Variants in PKNOX2 observed in about 807,000 individuals in gnomAD.
PKNOX2 encodes PBX/knotted 1 homeobox 2.
PKNOX2 carries 14 observed loss-of-function variants against 53.1 expected under a neutral mutation model. That is an observed-to-expected ratio of 0.26 (90% CI 0.17 to 0.41). PKNOX2 has a LOEUF of 0.41. Ranked by LOEUF, PKNOX2 falls within the 10% of genes least tolerant of loss-of-function variation. PKNOX2 has a pLI of 1.00. For missense variants in PKNOX2, 496 were observed against 602.8 expected, an observed-to-expected ratio of 0.82 and a Z score of 1.85; for synonymous variants, 257 against 242.8, an observed-to-expected ratio of 1.06 and a Z score of -0.54.
chr11:125,403,241 G>A (rs1175028313), intron 7 of PKNOX2, among the ~76,000 whole-genome samples: 1 of 152,164 alleles, frequency 6.6e-6, no homozygotes, highest in Non-Finnish European at 1.5e-5. Context: ...GTGTAATGAT[G>A]GAGTACCTTG....
chr11:125,304,435 G>A (rs918395852), intron 2 of PKNOX2, among the ~76,000 whole-genome samples: 5 of 152,224 alleles, frequency 3.3e-5, no homozygotes, highest in Admixed American at 1.3e-4. Flanking sequence ...AGGAGCCAGC[G>A]TGTGGCAGCC....
rs535957716 is a variant in PKNOX2 at position 125,408,308 on chromosome 11, G to A, written c.589-1888G>A. Among the ~76,000 whole-genome samples, 7 of 152,340 alleles carry A rather than the reference G, an allele frequency of 4.6e-5. No individual in the cohort carries two copies. The East Asian group carries it at 1.4e-3, about 29-fold the overall frequency. ...TAGACTGCGACTGCAGGAACAGAAA[G>A]GCCAAGAGCTCTGCTCAAAGTATAA... On this transcript the variant is annotated intron_variant, in intron 7 of 12. Coordinates refer to ENST00000298282, the MANE Select transcript of PKNOX2 (RefSeq NM_001382323.2).
chr11:125,272,904 C>G (rs543094962), intron 2 of PKNOX2, among the ~76,000 whole-genome samples: 1 of 152,240 alleles, frequency 6.6e-6, no homozygotes, highest in Non-Finnish European at 1.5e-5. Flanking sequence ...CAGCATTGAG[C>G]ACTGACTGTC....
rs1823601761 is a variant in PKNOX2 at position 125,422,364 on chromosome 11, G to A, written c.937-6648G>A. Among the ~76,000 whole-genome samples, 1 of 152,254 alleles carries A rather than the reference G, an allele frequency of 6.6e-6. No homozygotes were observed. Among genetic ancestry groups the A allele is most frequent in the African/African-American group, 2.4e-5 (1 of 41,538 alleles). On this transcript the variant is annotated intron_variant, in intron 10 of 12. Transcript: ENST00000298282. This position sits in a 1 kb window ranked among gnomAD's most constrained non-coding sequence, Gnocchi z 4.1. ...GTTACATTTCTCTCTTTGTCCCAGA[G>A]AAATCTTAGACCTCAGACTCCTGCC...
intron 4 of PKNOX2, among the ~76,000 whole-genome samples, chr11:125,363,282 C>G (rs1299068614): frequency 6.6e-6 from 1 of 152,346 alleles, no homozygotes; most frequent in South Asian, 2.1e-4. Flanking sequence ...AGGGGCCTCC[C>G]CAGGGAATGC....
intron 1 of PKNOX2, among the ~76,000 whole-genome samples, chr11:125,183,578 C>T: frequency 6.6e-6 from 1 of 152,162 alleles, no homozygotes; most frequent in East Asian, 1.9e-4. Flanking sequence ...GTAGCACACT[C>T]TCTGAGCCAC....
intron 2 of PKNOX2, among the ~76,000 whole-genome samples, chr11:125,320,532 C>G (rs1322563421): frequency 6.6e-6 from 1 of 152,088 alleles, no homozygotes; most frequent in East Asian, 1.9e-4. Flanking sequence ...CCCTGTCAAG[C>G]TAGGCATACA....
chr11:125,407,515 C>T (rs1305530891), intron 7 of PKNOX2, among the ~76,000 whole-genome samples: 3 of 152,198 alleles, frequency 2.0e-5, no homozygotes, highest in Non-Finnish European at 2.9e-5. Context: ...AGAAGAGGCA[C>T]AGGCTAGCAT....
At chr11:125,253,095 A>G (rs552551922) in intron 2 of PKNOX2, among the ~76,000 whole-genome samples, 1 of 152,326 alleles carries the variant, frequency 6.6e-6, no homozygotes, top group Admixed American at 6.5e-5. Context: ...GAAGAATTTA[A>G]GTACAACTAA....
rs1033668885 is a variant in PKNOX2, at chr11:125,166,826, G to C, written c.-201+2050G>C. ...GCCCTACTGTCATCTCTCCTGTCCG[G>C]AGACTTCAGGATATTAGCTTTTCGG... is the stretch of plus-strand genomic sequence containing the variant. On this transcript the variant is annotated intron_variant, in intron 1 of 12. Coordinates refer to ENST00000298282, the MANE Select transcript of PKNOX2 (RefSeq NM_001382323.2). The surrounding 1 kb of genome is among the most constrained non-coding windows in gnomAD (Gnocchi z 4.0). Among the ~76,000 whole-genome samples, 12 of 152,162 alleles carry C rather than the reference G, an allele frequency of 7.9e-5. No homozygotes were observed. The highest frequency in any genetic ancestry group is 1.5e-4 in the Non-Finnish European group (10 of 68,032).
At chr11:125,257,457 C>A (rs1474133976) in intron 2 of PKNOX2, among the ~76,000 whole-genome samples, 2 of 152,162 alleles carry the variant, frequency 1.3e-5, no homozygotes, top group Admixed American at 1.3e-4. Context: ...CCTGCAGGAT[C>A]CCAGTAGGAT....
intron 1 of PKNOX2, among the ~76,000 whole-genome samples, chr11:125,177,933 T>C (rs1591469986): frequency 6.6e-6 from 1 of 152,138 alleles, no homozygotes; most frequent in Admixed American, 6.5e-5. Flanking sequence ...AGAATCTTTG[T>C]AATAGGGAGT....
rs150773585 is a variant in PKNOX2, at chr11:125,393,613, C to T, written c.400-4261C>T. ...TGGTAATGTTCAGAGAGTCAGAAAA[C>T]GTAAGGGACCTGACAGTCCAGCCCT... On this transcript the variant is annotated intron_variant, in intron 6 of 12. Coordinates refer to ENST00000298282, the MANE Select transcript of PKNOX2 (RefSeq NM_001382323.2). Among the ~76,000 whole-genome samples, 359 of 152,176 alleles carry T rather than the reference C, an allele frequency of 2.4e-3. 1 individual carries two copies. Among genetic ancestry groups the T allele is most frequent in the African/African-American group, 8.4e-3 (348 of 41,520 alleles).
At chr11:125,360,314 G>C (rs1951856786) in intron 4 of PKNOX2, among the ~76,000 whole-genome samples, 1 of 152,108 alleles carries the variant, frequency 6.6e-6, no homozygotes, top group African/African-American at 2.4e-5. Context: ...GGCCGGATCT[G>C]AACAGGGGGT....
chr11:125,373,719 G>A (rs1952681364), intron 5 of PKNOX2, among the ~76,000 whole-genome samples: 1 of 152,204 alleles, frequency 6.6e-6, no homozygotes, highest in Non-Finnish European at 1.5e-5. Flanking sequence ...ATTATGAACT[G>A]AGCTCCAGCA....
At chr11:125,373,444 A>G (rs1222877652) in intron 5 of PKNOX2, among the ~76,000 whole-genome samples, 1 of 152,228 alleles carries the variant, frequency 6.6e-6, no homozygotes. Context: ...TCTGTGACTC[A>G]GTTTCCTCAT....
At chr11:125,322,688 T>C (rs1319503919) in intron 2 of PKNOX2, among the ~76,000 whole-genome samples, 1 of 152,156 alleles carries the variant, frequency 6.6e-6, no homozygotes, top group Non-Finnish European at 1.5e-5. Flanking sequence ...GGGGAGCAGT[T>C]AGTCATCTGC....
chr11:125,280,725 TC>T (rs1322372958), intron 2 of PKNOX2, among the ~76,000 whole-genome samples: 1 of 151,750 alleles, frequency 6.6e-6, no homozygotes, highest in Admixed American at 6.6e-5. Flanking sequence ...GGTGTGGAGT[TC>T]CCCCAAGAAA....
At chr11:125,290,903 A>G (rs1245802624) in intron 2 of PKNOX2, among the ~76,000 whole-genome samples, 1 of 152,054 alleles carries the variant, frequency 6.6e-6, no homozygotes, top group Non-Finnish European at 1.5e-5. Flanking sequence ...GGATGCAGAT[A>G]TGACACCTGA....
Sources: allele counts gnomAD v4.1 joint callset (sites outside exome capture counted in the v4.1 genomes callset), GRCh38; gene constraint gnomAD v4.1.1; non-coding constraint Gnocchi (gnomAD v3.1); transcripts MANE v1.5; gene names NCBI Gene and HGNC (gene_info 2026-07-23, HGNC 2026-07-21).